The following ATP8B1 variants were observed in gnomAD, a reference collection of about 807,000 sequenced individuals.
ATP8B1 encodes the protein phospholipid-transporting ATPase IC.
In ATP8B1, 80 loss-of-function variants were observed where a neutral mutation model predicts 149.9. The ratio of observed to expected loss-of-function variants is 0.53; its 90% CI spans 0.45 to 0.64. The LOEUF (loss-of-function observed/expected upper bound fraction) is 0.64, where lower values mean the gene tolerates loss of function less well. Ranked by LOEUF, ATP8B1 falls within the 30% of genes least tolerant of loss-of-function variation. ATP8B1 has a pLI of 0.00. For synonymous variants in ATP8B1, 536 were observed against 562.8 expected (o/e 0.95, Z 0.67); for missense variants, 1,247 against 1,552.6 (o/e 0.80, Z 3.31).
intron 22 of ATP8B1, among the ~76,000 whole-genome samples, 163 bp downstream of exon 22, chr18:57,661,011 G>A (rs1454877419): frequency 6.6e-6 from 1 of 152,182 alleles, no homozygotes; most frequent in African/African-American, 2.4e-5. Flanking sequence ...CTTTCTGGGG[G>A]TAGGGTCACA....
At chr18:57,740,402 T>C (rs1489833325) in intron 1 of ATP8B1, 1 of 152,066 alleles carries the variant, frequency 6.6e-6, no homozygotes, top group African/African-American at 2.4e-5. Context: ...AAGTATGAAT[T>C]ATATTTCTAT....
intron 1 of ATP8B1, among the ~76,000 whole-genome samples, chr18:57,790,646 G>A (rs1374277613): frequency 6.6e-6 from 1 of 152,054 alleles, no homozygotes; most frequent in Non-Finnish European, 1.5e-5. Flanking sequence ...TCCTTCAAGA[G>A]ACCCCACTCC....
At chr18:57,691,725 A>G in intron 12 of ATP8B1, 82 bp downstream of exon 12, 1 of 1,501,946 alleles carries the variant, frequency 6.7e-7, no homozygotes, top group African/African-American at 1.4e-5. Context: ...TGAAACAGTG[A>G]TCACTAGAAA....
At chr18:57,770,478 A>C (rs1567389) in intron 1 of ATP8B1, among the ~76,000 whole-genome samples, 21,450 of 152,230 alleles carry the variant, frequency 0.14, 1,873 homozygotes, top group South Asian at 0.29. Context: ...GCCTCCATCC[A>C]GTTTGGGATC....
Position 57,688,146 on chromosome 18 carries a change from C to T in ATP8B1, c.1429+153G>A, listed in dbSNP as rs116331724. Among the ~76,000 whole-genome samples, 1,123 of 152,264 alleles carry T rather than the reference C, an allele frequency of 7.4e-3. 17 individuals carry two copies. Among genetic ancestry groups the T allele is most frequent in the African/African-American group, 0.026 (1,081 of 41,542 alleles). On this transcript the variant is annotated intron_variant, in intron 13 of 27. Coordinates refer to ENST00000648908, the MANE Select transcript of ATP8B1 (RefSeq NM_001374385.1). ...TGTCCCCAGTGCTGTCCATGGTGCT[C>T]CTCTGGTGCTTAGCTGGAGAATGGC...
intron 1 of ATP8B1, among the ~76,000 whole-genome samples, chr18:57,763,074 T>C (rs2080172088): frequency 1.3e-5 from 2 of 152,142 alleles, no homozygotes; most frequent in African/African-American, 4.8e-5. Flanking sequence ...TTAGGATTGA[T>C]TGTCAGAATG....
At chr18:57,744,604 T>C (rs1035522054) in intron 1 of ATP8B1, among the ~76,000 whole-genome samples, 2 of 152,320 alleles carry the variant, frequency 1.3e-5, no homozygotes, top group African/African-American at 2.4e-5. Flanking sequence ...CCTTAGTTGT[T>C]AGGGACAATG....
intron 19 of ATP8B1, chr18:57,668,000 C>T (rs750359620): frequency 8.5e-7 from 1 of 1,175,990 alleles, no homozygotes; most frequent in Middle Eastern, 2.3e-4. Context: ...ATCGTTCTTT[C>T]CTTAGGTATA....
At chr18:57,691,761 A>T in intron 12 of ATP8B1, 46 bp downstream of exon 12, 1 of 1,601,894 alleles carries the variant, frequency 6.2e-7, no homozygotes, top group Non-Finnish European at 8.5e-7. Context: ...GGGAGAAGGT[A>T]CAACATTCTT....
rs369369149 is a variant in ATP8B1 at position 57,675,038 on chromosome 18, G to A, written c.1631-16C>T. The A allele has an allele frequency of 5.0e-6, 8 of 1,613,062 alleles. No homozygotes were observed. The highest frequency in any genetic ancestry group is 6.8e-6 in the Non-Finnish European group (8 of 1,179,774). On this transcript the variant is annotated splice_polypyrimidine_tract_variant and intron_variant, in intron 15 of 27. Coordinates refer to ENST00000648908, the MANE Select transcript of ATP8B1 (RefSeq NM_001374385.1). ...TTGAGCTGACCTAACAAGGAAGCGA[G>A]AGAAATCCCAGAAAAGCTGTAAAAA...
At chr18:57,713,236 CTTCCTTCTTTCT>C (rs1348307301) in intron 2 of ATP8B1, among the ~76,000 whole-genome samples, 10 of 100,250 alleles carry the variant, frequency 1.0e-4, no homozygotes, top group East Asian at 7.5e-4. Context: ...TCCTTCCTTC[CTTCCTTCTTTCT>C]TTCTTTCTTT....
intron 19 of ATP8B1, among the ~76,000 whole-genome samples, chr18:57,667,844 G>A (rs963717093): frequency 1.3e-5 from 2 of 152,148 alleles, no homozygotes; most frequent in African/African-American, 4.8e-5. Context: ...TAAGGTCAGG[G>A]CTGTGCTTCC....
intron 2 of ATP8B1, among the ~76,000 whole-genome samples, chr18:57,713,159 CTT>C (rs1284869050): frequency 7.1e-5 from 5 of 70,518 alleles, no homozygotes; most frequent in East Asian, 4.4e-4. Context: ...TGATCTTTCT[CTT>C]TCTTTCTTTC....
At chr18:57,656,775 TGGGGGGAGAGAAGA>T in intron 22 of ATP8B1, among the ~76,000 whole-genome samples, 1 of 62,322 alleles carries the variant, frequency 1.6e-5, no homozygotes, top group African/African-American at 6.5e-5. Flanking sequence ...AGGGAGAGAA[TGGGGGGAGAGAAGA>T]GTGGGGAGAG....
intron 1 of ATP8B1, among the ~76,000 whole-genome samples, chr18:57,761,035 A>C (rs1001271963): frequency 1.6e-5 from 2 of 122,974 alleles, no homozygotes; most frequent in Non-Finnish European, 1.7e-5. Context: ...CATAAAATAA[A>C]ATAAATAAAA....
chr18:57,771,742 G>T (rs1052361919), intron 1 of ATP8B1, among the ~76,000 whole-genome samples: 65 of 152,138 alleles, frequency 4.3e-4, no homozygotes, highest in Middle Eastern at 3.4e-3. Context: ...GATATGAGTG[G>T]CACCATCAAT....
intron 1 of ATP8B1, among the ~76,000 whole-genome samples, chr18:57,736,326 A>G (rs1382222703): frequency 6.6e-6 from 1 of 151,964 alleles, no homozygotes; most frequent in Non-Finnish European, 1.5e-5. Flanking sequence ...AGTTTAATAT[A>G]GTCCTATTTG....
chr18:57,663,434 T>G (rs1599085109), intron 20 of ATP8B1, among the ~76,000 whole-genome samples: 1 of 152,212 alleles, frequency 6.6e-6, no homozygotes, highest in East Asian at 1.9e-4. Context: ...TTTCAATTAT[T>G]TTGTGGATAT....
At chr18:57,670,829 C>T (rs1450229758) in intron 17 of ATP8B1, among the ~76,000 whole-genome samples, 1 of 152,034 alleles carries the variant, frequency 6.6e-6, no homozygotes, top group Non-Finnish European at 1.5e-5. Flanking sequence ...GCCTCAGCTT[C>T]CCAAGTAGCT....
Sources: allele counts gnomAD v4.1 joint callset (sites outside exome capture counted in the v4.1 genomes callset), GRCh38; gene constraint gnomAD v4.1.1; transcripts MANE v1.5; gene names NCBI Gene and HGNC (gene_info 2026-07-23, HGNC 2026-07-21).